Variants in PCDHGA3 observed in about 807,000 individuals in gnomAD.
PCDHGA3 encodes protocadherin gamma subfamily A, 3, also known as protocadherin gamma-A3.
Under a neutral mutation model 58.5 loss-of-function variants are expected in PCDHGA3, and 40 were observed. The observed-to-expected ratio is 0.68, with a 90% CI of 0.53 to 0.89. The LOEUF is 0.89. Ranked by LOEUF, PCDHGA3 falls within the 40% of genes least tolerant of loss-of-function variation. PCDHGA3 has a pLI of 0.00. For synonymous variants in PCDHGA3, 530 were observed against 525.7 expected (o/e 1.01, Z -0.11); for missense variants, 1,223 against 1,195.9 (o/e 1.02, Z -0.33).
chr5:141,463,644 G>C (rs1356692609), intron 1 of PCDHGA3, among the ~76,000 whole-genome samples: 1 of 151,596 alleles, frequency 6.6e-6, no homozygotes, highest in Non-Finnish European at 1.5e-5. Context: ...GTAGAGACGG[G>C]GTTTCACCGT....
intron 1 of PCDHGA3, chr5:141,441,530 A>T (rs2154559371): frequency 5.8e-6 from 1 of 172,118 alleles, no homozygotes; most frequent in Non-Finnish European, 1.2e-5. Flanking sequence ...GCCAAGAACA[A>T]TCTTCCCAAA....
At chr5:141,410,441 A>C (rs1242063924) in intron 1 of PCDHGA3, 1 of 1,613,828 alleles carries the variant, frequency 6.2e-7, no homozygotes, top group South Asian at 1.1e-5. Flanking sequence ...CAGTGAGGGG[A>C]CTTTGCCTTA....
chr5:141,364,513 G>T, intron 1 of PCDHGA3: 1 of 1,614,052 alleles, frequency 6.2e-7, no homozygotes, highest in Non-Finnish European at 8.5e-7. Context: ...AGCTGGCGGA[G>T]CGCGGAGTCC....
chr5:141,400,734 G>A, intron 1 of PCDHGA3: 1 of 634,548 alleles, frequency 1.6e-6, no homozygotes, highest in Non-Finnish European at 2.7e-6. Flanking sequence ...AAAGTAGTGA[G>A]AGTTTGCTCT....
chr5:141,390,097 C>T, intron 1 of PCDHGA3: 1 of 1,614,026 alleles, frequency 6.2e-7, no homozygotes, highest in Non-Finnish European at 8.5e-7. Context: ...TCCGTGGTTC[C>T]CCCCAACTAC....
chr5:141,491,800 C>T lies in PCDHGA3; in HGVS notation c.2425-3007C>T. The T allele has an allele frequency of 6.7e-7, 1 of 1,500,854 alleles. No individual in the cohort carries two copies. Among genetic ancestry groups the T allele is most frequent in the Non-Finnish European group, 8.9e-7 (1 of 1,125,316 alleles). 93.0% of individuals were successfully genotyped at this position (1,500,854 alleles called of 1,614,324 possible). A position where few individuals can be genotyped will look rare whatever the true frequency, so the allele number is the denominator to read the frequency against. Reference sequence around the variant, plus strand: ...GAACTTGCATCCACTCCTCTCCGGCCGGCTTGGTCGCTGGCTGCGCTCCAC... The same window carrying T: ...GAACTTGCATCCACTCCTCTCCGGCTGGCTTGGTCGCTGGCTGCGCTCCAC... On this transcript the variant is annotated intron_variant, in intron 1 of 3. Transcript: ENST00000253812. The surrounding 1 kb of genome is among the most constrained non-coding windows in gnomAD (Gnocchi z 6.9).
intron 1 of PCDHGA3, chr5:141,360,286 G>C (rs768676904): frequency 6.2e-7 from 1 of 1,613,932 alleles, no homozygotes; most frequent in Non-Finnish European, 8.5e-7. Flanking sequence ...AGGAAACCTC[G>C]CCAAGGATCT....
In PCDHGA3 at chr5:141,491,835, G is replaced by C; in HGVS notation, c.2425-2972G>C. On this transcript the variant is annotated intron_variant, in intron 1 of 3. Coordinates refer to ENST00000253812, the MANE Select transcript of PCDHGA3 (RefSeq NM_018916.4). The surrounding 1 kb of genome is among the most constrained non-coding windows in gnomAD (Gnocchi z 6.9). The stretch of plus-strand genomic sequence containing the variant: ...GCTGGCTGCGCTCCACCCGATTCTC[G>C]GGATCATTGGACCGTTTGCGCGAAA... 1 of 1,473,258 alleles carries C rather than the reference G, an allele frequency of 6.8e-7. No individual in the cohort carries two copies. The highest frequency in any genetic ancestry group is 9.0e-7 in the Non-Finnish European group (1 of 1,112,098). The allele number at this position is 1,473,258 out of a possible 1,614,324, so 91.3% of individuals were successfully genotyped here.
At chr5:141,389,363 C>A (rs776814041) in intron 1 of PCDHGA3, 5 of 1,613,868 alleles carry the variant, frequency 3.1e-6, no homozygotes, top group Non-Finnish European at 4.2e-6. Context: ...TGGCCAGTGA[C>A]CTGGAGCAGC....
chr5:141,388,978 C>T, intron 1 of PCDHGA3: 1 of 1,613,972 alleles, frequency 6.2e-7, no homozygotes, highest in Non-Finnish European at 8.5e-7. Context: ...ACACATATTG[C>T]TTTGCTCAAA....
At position 141,344,374 on chromosome 5, in the gene PCDHGA3, T is replaced by A; in HGVS notation, c.341T>A (p.Leu114Ter). ...ATTAACATTCTGGTTGAGGATAAATTGAAAATTTTTGAAGTAGAAATAGAA... is the reference window on the plus strand; with the variant it reads ...ATTAACATTCTGGTTGAGGATAAATAGAAAATTTTTGAAGTAGAAATAGAA... ...VKINILVEDK[L>*]KIFEVEIEIK... Residue 114 changes from leucine (L) to a stop codon, truncating the protein, a stop_gained, in exon 1 of 4, where the codon TTG becomes TAG. Coordinates refer to ENST00000253812, the MANE Select transcript of PCDHGA3 (RefSeq NM_018916.4). LOFTEE classifies it high-confidence loss of function. The A allele has an allele frequency of 6.2e-7, 1 of 1,613,186 alleles. No homozygotes were observed. Among genetic ancestry groups the A allele is most frequent in the Non-Finnish European group, 8.5e-7 (1 of 1,179,588 alleles).
chr5:141,384,609 T>A (rs967686346), intron 1 of PCDHGA3: 5 of 1,614,148 alleles, frequency 3.1e-6, no homozygotes, highest in African/African-American at 1.3e-5. Flanking sequence ...TCCCCACAGA[T>A]GGTTCTACTG....
At chr5:141,372,558 G>A in intron 1 of PCDHGA3, 1 of 1,614,002 alleles carries the variant, frequency 6.2e-7, no homozygotes, top group Non-Finnish European at 8.5e-7. Flanking sequence ...CTCCAGACCC[G>A]CCACTGAGGG....
chr5:141,358,210 A>C (rs1279106050), intron 1 of PCDHGA3, among the ~76,000 whole-genome samples: 1 of 152,208 alleles, frequency 6.6e-6, no homozygotes, highest in Non-Finnish European at 1.5e-5. Flanking sequence ...AATAAAATAA[A>C]GTAAAATAAA....
intron 1 of PCDHGA3, among the ~76,000 whole-genome samples, chr5:141,347,165 T>TTCTTTCTTTCTTTCTTTCTTTCTC (rs1757917255): frequency 6.8e-6 from 1 of 147,328 alleles, no homozygotes; most frequent in Admixed American, 6.8e-5. Flanking sequence ...CTTTCTTTCT[T>TTCTTTCTTTCTTTCTTTCTTTCTC]TCTTTCTTTC....
At chr5:141,366,319 C>T (rs1486100441) in intron 1 of PCDHGA3, 10 of 1,613,662 alleles carry the variant, frequency 6.2e-6, no homozygotes, top group African/African-American at 1.3e-5. Context: ...TCACCGTTGC[C>T]GTGGCCGACA....
chr5:141,352,426 C>T (rs1759009835), intron 1 of PCDHGA3: 1 of 1,614,080 alleles, frequency 6.2e-7, no homozygotes, highest in Non-Finnish European at 8.5e-7. Flanking sequence ...CTGAGGGCTG[C>T]TTTCAAACCG....
chr5:141,449,154 A>G (rs2098630387), intron 1 of PCDHGA3, among the ~76,000 whole-genome samples: 1 of 152,180 alleles, frequency 6.6e-6, no homozygotes, highest in African/African-American at 2.4e-5. Flanking sequence ...TGGGTCAAAG[A>G]GGAAATAGGT....
chr5:141,490,257 T>C lies in PCDHGA3; in HGVS notation c.2425-4550T>C, dbSNP rs2099697852. On this transcript the variant is annotated intron_variant, in intron 1 of 3. Coordinates refer to ENST00000253812, the MANE Select transcript of PCDHGA3 (RefSeq NM_018916.4). The surrounding 1 kb of genome is among the most constrained non-coding windows in gnomAD (Gnocchi z 5.4). ...AGGGCCACTGTGTGATTCAAGTGGATGTGGGGGATGTCAATGACAATGCCC... is the reference window on the plus strand; with the variant it reads ...AGGGCCACTGTGTGATTCAAGTGGACGTGGGGGATGTCAATGACAATGCCC... The C allele has an allele frequency of 6.2e-7, 1 of 1,614,208 alleles. No individual in the cohort carries two copies. Among genetic ancestry groups the C allele is most frequent in the South Asian group, 1.1e-5 (1 of 91,078 alleles).
Sources: gnomAD v4.1 joint callset for allele counts (sites outside exome capture counted in the v4.1 genomes callset) on GRCh38, gnomAD v4.1.1 for gene constraint, Gnocchi (gnomAD v3.1) non-coding constraint, MANE v1.5 for transcripts, NCBI Gene and HGNC (gene_info 2026-07-23, HGNC 2026-07-21) for gene names.